Variants in NF1 observed in about 807,000 individuals in gnomAD.
NF1 encodes the protein neurofibromin 1, also known as neurofibromin.
In NF1, 122 loss-of-function variants were observed where a neutral mutation model predicts 325.7. The observed-to-expected ratio is 0.37, with a 90% CI of 0.32 to 0.44. NF1 has a LOEUF of 0.44. NF1 is among the 20% of genes least tolerant of loss of function. The pLI is 1.00. For missense variants in NF1, 2,140 were observed against 3,415.4 expected, an observed-to-expected ratio of 0.63 and a Z score of 9.31; for synonymous variants, 1,091 against 1,186.0, an observed-to-expected ratio of 0.92 and a Z score of 1.65.
At chr17:31,342,293 T>C (rs780934811) in intron 47 of NF1, among the ~76,000 whole-genome samples, 4 of 152,162 alleles carry the variant, frequency 2.6e-5, no homozygotes, top group Non-Finnish European at 5.9e-5. Context: ...TGGCTATTTA[T>C]ATGTTAAGAA....
intron 36 of NF1, among the ~76,000 whole-genome samples, chr17:31,273,898 CT>C (rs2067952407): frequency 6.6e-6 from 1 of 152,156 alleles, no homozygotes; most frequent in Non-Finnish European, 1.5e-5. Flanking sequence ...TGGATTGACT[CT>C]AACTAGATGA....
intron 36 of NF1, among the ~76,000 whole-genome samples, chr17:31,294,217 C>T (rs961615490): frequency 1.1e-4 from 17 of 151,662 alleles, no homozygotes; most frequent in African/African-American, 4.1e-4. Context: ...TTAAATTCTC[C>T]ATTAATGGTG....
intron 1 of NF1, among the ~76,000 whole-genome samples, chr17:31,105,378 C>T (rs1229088233): frequency 6.6e-6 from 1 of 152,222 alleles, no homozygotes; most frequent in Non-Finnish European, 1.5e-5. Flanking sequence ...GAGGTGCAAA[C>T]TTCCAGATTG....
At chr17:31,225,031 A>G (rs2066987716) in intron 16 of NF1, 64 bp from the exon 17 acceptor site, 2 of 1,571,578 alleles carry the variant, frequency 1.3e-6, no homozygotes, top group Non-Finnish European at 1.7e-6. Flanking sequence ...GACAACTCAA[A>G]TAAGTGTTTA....
At chr17:31,247,763 GA>G (rs2151449868) in intron 29 of NF1, among the ~76,000 whole-genome samples, 1 of 152,138 alleles carries the variant, frequency 6.6e-6, no homozygotes, top group East Asian at 1.9e-4. Context: ...TATAATTAGA[GA>G]ATAGATAAAT....
At position 31,111,777 on chromosome 17, in the gene NF1, T is replaced by C. The variant is rs558923521; in HGVS notation, c.60+16408T>C. ...GGAAGTTTTTTAGGCAGAATGAAAATATCTCAAATGGAAGTACAAAACTGT... is the reference window on the plus strand; with the variant it reads ...GGAAGTTTTTTAGGCAGAATGAAAACATCTCAAATGGAAGTACAAAACTGT... On this transcript the variant is annotated intron_variant, in intron 1 of 57. Transcript: ENST00000358273. Among the ~76,000 whole-genome samples the C allele has an allele frequency of 3.3e-5, 5 of 152,212 alleles. No individual in the cohort carries two copies. In the South Asian group the frequency reaches 1.0e-3, roughly 32 times the overall value.
At chr17:31,249,894 G>T (rs1300476407) in intron 30 of NF1, 1 of 476,938 alleles carries the variant, frequency 2.1e-6, no homozygotes, top group Non-Finnish European at 4.2e-6. Flanking sequence ...TGGGATAGGG[G>T]TGGATATAAG....
chr17:31,220,351 A>C (rs1005189417), intron 14 of NF1, among the ~76,000 whole-genome samples: 1 of 152,174 alleles, frequency 6.6e-6, no homozygotes, highest in Non-Finnish European at 1.5e-5. Flanking sequence ...TGGTCCCGTA[A>C]ATTGATACAT....
At chr17:31,217,082 A>G (rs959356655) in intron 13 of NF1, among the ~76,000 whole-genome samples, 2 of 152,134 alleles carry the variant, frequency 1.3e-5, no homozygotes, top group African/African-American at 4.8e-5. Context: ...ATGAGACTAC[A>G]TGCTCATGGA....
intron 35 of NF1, among the ~76,000 whole-genome samples, chr17:31,263,075 ATAGGTAGGTAGGTAGG>A (rs869183381): frequency 5.0e-5 from 7 of 140,560 alleles, no homozygotes; most frequent in Admixed American, 3.5e-4. Flanking sequence ...AGGTAGATAG[ATAGGTAGGTAGGTAGG>A]TAGGTAGGTA....
At position 31,233,176 on chromosome 17, in the gene NF1, C is replaced by T. The variant is rs1060500340; in HGVS notation, c.3671C>T (p.Ala1224Val). Reference protein sequence around the residue: ...MMGDQGELPIAMALANVVPCS... With the variant: ...MMGDQGELPIVMALANVVPCS... ...GGTGATCAAGGAGAACTCCCTATAG[C>T]GATGGCTCTGGCCAATGTGGTTCCT... Residue 1224 changes from alanine (A) to valine (V), a missense_variant, in exon 27 of 58, where the codon GCG becomes GTG. By Grantham distance (64) the Ala-to-Val change is moderately conservative. This residue lies in a region of NF1 where 336 missense variants were observed against 399.0 expected (regional missense o/e 0.84). Coordinates refer to ENST00000358273, the MANE Select transcript of NF1 (RefSeq NM_001042492.3). The T allele has an allele frequency of 1.2e-6, 2 of 1,614,048 alleles. No homozygotes were observed. The highest frequency in any genetic ancestry group is 1.1e-5 in the South Asian group (1 of 91,046).
At chr17:31,297,853 TTTTC>T (rs2068498563) in intron 36 of NF1, among the ~76,000 whole-genome samples, 1 of 152,192 alleles carries the variant, frequency 6.6e-6, no homozygotes, top group Non-Finnish European at 1.5e-5. Flanking sequence ...TACGATTATT[TTTTC>T]TTTATCTTTC....
intron 12 of NF1, 141 bp from the exon 13 acceptor site, chr17:31,214,310 G>A (rs2066781989): frequency 1.6e-6 from 1 of 617,430 alleles, no homozygotes; most frequent in Non-Finnish European, 2.8e-6. Flanking sequence ...TTACTATTGA[G>A]TGTTTCTACT....
chr17:31,341,594 A>AGT (rs760580157), intron 47 of NF1, among the ~76,000 whole-genome samples: 1,774 of 145,024 alleles, frequency 0.012, 16 homozygotes, highest in African/African-American at 0.029. Context: ...ATATATATAA[A>AGT]GTGTGTGTGT....
Position 31,097,767 on chromosome 17 carries a change from G to T in NF1, c.60+2398G>T, listed in dbSNP as rs146355354. On this transcript the variant is annotated intron_variant, in intron 1 of 57. Coordinates refer to ENST00000358273, the MANE Select transcript of NF1 (RefSeq NM_001042492.3). ...GCTGGAGTGCAGTAGCTTGATGTCG[G>T]TTCATTGCAACCCCTGCTTCCCACA... is the stretch of plus-strand genomic sequence containing the variant. 4.4e-4 allele frequency among the ~76,000 whole-genome samples: 67 copies of T among 152,192 alleles called. 3 individuals are homozygous for T. In the East Asian group the frequency reaches 0.013, roughly 30 times the overall value.
chr17:31,152,961 A>G (rs753726125), intron 1 of NF1, among the ~76,000 whole-genome samples: 1 of 152,034 alleles, frequency 6.6e-6, no homozygotes, highest in Non-Finnish European at 1.5e-5. Flanking sequence ...TTTGTAGGCC[A>G]GGATAGCTTT....
In NF1 at chr17:31,325,316, C is replaced by T. The variant is rs538803413; in HGVS notation, c.4836-504C>T. 2.0e-5 allele frequency among the ~76,000 whole-genome samples: 3 copies of T among 152,242 alleles called. No homozygotes were observed. The South Asian group carries it at 6.2e-4, about 32-fold the overall frequency. On this transcript the variant is annotated intron_variant, in intron 36 of 57. Coordinates refer to ENST00000358273, the MANE Select transcript of NF1 (RefSeq NM_001042492.3). ...GGCTACGTATTCCCTTGTTTATAAA[C>T]ACCAGGAAAGAAATATCTCAAATCC...
intron 35 of NF1, among the ~76,000 whole-genome samples, chr17:31,263,610 T>A (rs891442720): frequency 6.6e-6 from 1 of 151,528 alleles, no homozygotes; most frequent in South Asian, 2.1e-4. Context: ...AGATCCTACC[T>A]TCCCTTACAA....
intron 57 of NF1, among the ~76,000 whole-genome samples, chr17:31,373,363 G>GT (rs1469583270): frequency 6.6e-6 from 1 of 152,184 alleles, no homozygotes; most frequent in African/African-American, 2.4e-5. Flanking sequence ...GAAGTTTCTG[G>GT]TATGATTTGG....
Sources: gnomAD v4.1 joint callset for allele counts (sites outside exome capture counted in the v4.1 genomes callset) on GRCh38, gnomAD v4.1.1 for gene constraint, gnomAD v4.1.1 regional missense constraint, MANE v1.5 for transcripts, NCBI Gene and HGNC (gene_info 2026-07-23, HGNC 2026-07-21) for gene names.